LRP1B: variants seen among roughly 807,000 people sequenced by gnomAD.
The protein encoded by LRP1B is LDL receptor related protein 1B, also known as low-density lipoprotein receptor-related protein 1B.
LRP1B carries 217 observed loss-of-function variants against 556.6 expected under a neutral mutation model. That is an observed-to-expected ratio of 0.39 (90% CI 0.35 to 0.44). The LOEUF (loss-of-function observed/expected upper bound fraction) is 0.44. LRP1B is among the 20% of genes least tolerant of loss of function. The pLI, the probability that LRP1B is intolerant of heterozygous loss-of-function variation, is 1.00. For missense variants in LRP1B, 5,053 were observed against 5,620.8 expected (o/e 0.90, Z 3.23); for synonymous variants, 2,047 against 1,865.8 (o/e 1.10, Z -2.50).
rs1700950722 is a variant in LRP1B at position 141,946,204 on chromosome 2, C to A, written c.83-135803G>T. ...CACTATGATCACAAAGTTCTTCCTG[C>A]CTGCTCCTGCTCCATTCCCTTTATC... On this transcript the variant is annotated intron_variant, in intron 1 of 90. Transcript: ENST00000389484. Among the ~76,000 whole-genome samples, 3 of 152,220 alleles carry A rather than the reference C, an allele frequency of 2.0e-5. 1 individual carries two copies. The South Asian group carries it at 6.2e-4, about 32-fold the overall frequency.
chr2:141,120,373 T>C (rs940578776), intron 7 of LRP1B, among the ~76,000 whole-genome samples: 2 of 151,912 alleles, frequency 1.3e-5, no homozygotes, highest in African/African-American at 4.8e-5. Context: ...ATAAGGGTTT[T>C]TTAAAATTAT....
intron 41 of LRP1B, among the ~76,000 whole-genome samples, chr2:140,653,157 C>A (rs550102): frequency 6.6e-6 from 1 of 151,764 alleles, no homozygotes; most frequent in East Asian, 1.9e-4. Flanking sequence ...CAAAAGAGTC[C>A]TAAGAAATTA....
At chr2:141,950,356 C>G (rs1574522579) in intron 1 of LRP1B, among the ~76,000 whole-genome samples, 1 of 152,230 alleles carries the variant, frequency 6.6e-6, no homozygotes, top group Middle Eastern at 3.4e-3. Flanking sequence ...ACCATTCACT[C>G]AGGACATTTA....
chr2:141,913,674 T>C (rs1699961685), intron 1 of LRP1B, among the ~76,000 whole-genome samples: 1 of 152,142 alleles, frequency 6.6e-6, no homozygotes, highest in African/African-American at 2.4e-5. Flanking sequence ...GTAGGTAGGA[T>C]TGTCCATTGA....
intron 1 of LRP1B, among the ~76,000 whole-genome samples, chr2:142,094,860 T>C (rs76018883): frequency 0.019 from 2,853 of 151,930 alleles, 93 homozygotes; most frequent in African/African-American, 0.065. Context: ...GGGCTACAAT[T>C]TTATAATTGG....
intron 2 of LRP1B, among the ~76,000 whole-genome samples, chr2:141,556,109 T>C (rs1045349457): frequency 6.6e-6 from 1 of 151,862 alleles, no homozygotes; most frequent in Non-Finnish European, 1.5e-5. Context: ...ATAATCTCAA[T>C]GTTTTCCTGT....
intron 3 of LRP1B, among the ~76,000 whole-genome samples, chr2:141,372,903 A>G (rs1031785971): frequency 4.6e-5 from 7 of 151,842 alleles, no homozygotes; most frequent in South Asian, 2.1e-4. Context: ...TTCCTTAGCT[A>G]ACTTTGGATT....
intron 21 of LRP1B, among the ~76,000 whole-genome samples, chr2:140,922,200 T>C (rs1360077633): frequency 6.6e-6 from 1 of 152,066 alleles, no homozygotes. Flanking sequence ...TTTCAACTGG[T>C]ACCCAGTATA....
intron 1 of LRP1B, among the ~76,000 whole-genome samples, chr2:142,038,811 T>C (rs558134634): frequency 2.0e-5 from 3 of 151,662 alleles, no homozygotes; most frequent in Non-Finnish European, 4.4e-5. Flanking sequence ...TTAAGCAAGA[T>C]ACAGCATTTT....
intron 1 of LRP1B, among the ~76,000 whole-genome samples, chr2:141,887,196 A>G (rs897843112): frequency 1.3e-5 from 2 of 151,872 alleles, no homozygotes; most frequent in Non-Finnish European, 2.9e-5. Context: ...GGGTTTCACA[A>G]TGTTGGCCAG....
chr2:141,057,835 A>C (rs1699223509), intron 9 of LRP1B, among the ~76,000 whole-genome samples: 1 of 151,848 alleles, frequency 6.6e-6, no homozygotes, highest in African/African-American at 2.4e-5. Flanking sequence ...CAAATACCTC[A>C]AGTCATTATT....
intron 7 of LRP1B, among the ~76,000 whole-genome samples, chr2:141,154,484 A>C (rs1702017327): frequency 6.6e-6 from 1 of 151,894 alleles, no homozygotes. Context: ...CACAGCTTCA[A>C]ATTTTTCATC....
At chr2:141,426,284 C>T (rs922785059) in intron 3 of LRP1B, among the ~76,000 whole-genome samples, 1 of 151,840 alleles carries the variant, frequency 6.6e-6, no homozygotes, top group Admixed American at 6.6e-5. Flanking sequence ...ATCTATATCT[C>T]TGTTTTGGTA....
rs373773806 is a variant in LRP1B, at chr2:140,541,870, G to C, written c.7296C>G (p.Asn2432Lys). The stretch of plus-strand genomic sequence containing the variant: ...TTTTTGTATCTCCTCCTGTGTACTT[G>C]TTGGACCGCAGTATAGCTCTTCTTC... The part of the protein sequence containing the change: ...DWGRRAILRS[N>K]KYTGGDTKIL... Residue 2432 changes from asparagine to lysine, a missense_variant, in exon 44 of 91, where the codon AAC becomes AAG. Around this residue, in one of 5 missense-constraint regions of LRP1B, gnomAD observed 3,619 missense variants for 3,931.9 expected, o/e 0.92. Transcript: ENST00000389484. The C allele has an allele frequency of 2.2e-4, 354 of 1,612,782 alleles. 1 individual carries two copies. The highest frequency in any genetic ancestry group is 3.0e-4 in the Non-Finnish European group (349 of 1,179,178).
intron 60 of LRP1B, among the ~76,000 whole-genome samples, chr2:140,466,370 A>G (rs748639729): frequency 6.6e-6 from 1 of 152,046 alleles, no homozygotes; most frequent in Non-Finnish European, 1.5e-5. Flanking sequence ...TATGATTTAG[A>G]TTTTTAAATC....
At position 141,471,268 on chromosome 2, in the gene LRP1B, A is replaced by ATGTTTTTTTTTTTT. The variant is rs1553518973; in HGVS notation, c.343+9127_343+9128insAAAAAAAAAAAACA. ...AATACTATTGAGAATATACCCTGGTATTTTTTTTTTTTTTTTTTTTTTTTT... is the reference window on the plus strand; with the variant it reads ...AATACTATTGAGAATATACCCTGGTATGTTTTTTTTTTTTTTTTTTTTTTTTTTTTTTTTTTTTT... On this transcript the variant is annotated intron_variant, in intron 3 of 90. Transcript: ENST00000389484. Among the ~76,000 whole-genome samples, 3 of 31,900 alleles carry ATGTTTTTTTTTTTT rather than the reference A, an allele frequency of 9.4e-5. 1 individual carries two copies. Among genetic ancestry groups the ATGTTTTTTTTTTTT allele is most frequent in the Non-Finnish European group, 7.9e-5 (1 of 12,684 alleles). The allele number at this position is 31,900 out of a possible 152,430, so 20.9% of individuals were successfully genotyped here.
At chr2:140,862,943 C>G (rs1403260382) in intron 27 of LRP1B, among the ~76,000 whole-genome samples, 1 of 152,158 alleles carries the variant, frequency 6.6e-6, no homozygotes, top group Non-Finnish European at 1.5e-5. Context: ...ATTGGCACTC[C>G]TGGTTCCTGG....
chr2:140,970,200 T>C (rs1696369845), intron 18 of LRP1B, among the ~76,000 whole-genome samples: 1 of 152,190 alleles, frequency 6.6e-6, no homozygotes, highest in Non-Finnish European at 1.5e-5. Context: ...AGTCCCATAT[T>C]TCTTGGAAGC....
intron 2 of LRP1B, among the ~76,000 whole-genome samples, chr2:141,706,745 A>C (rs1051173721): frequency 1.3e-5 from 2 of 152,142 alleles, no homozygotes; most frequent in Admixed American, 6.6e-5. Context: ...AAAAGTATGG[A>C]TTATGTAAAA....
Sources: gnomAD v4.1 joint callset for allele counts (sites outside exome capture counted in the v4.1 genomes callset) on GRCh38, gnomAD v4.1.1 for gene constraint, gnomAD v4.1.1 regional missense constraint, MANE v1.5 for transcripts, NCBI Gene and HGNC (gene_info 2026-07-23, HGNC 2026-07-21) for gene names.